The following ITIH5 variants were observed in gnomAD, a reference collection of about 807,000 sequenced individuals.
The protein encoded by ITIH5 is inter-alpha-trypsin inhibitor heavy chain H5.
ITIH5 carries 65 observed loss-of-function variants against 77.5 expected under a neutral mutation model. That is an observed-to-expected ratio of 0.84 (90% confidence interval 0.69 to 1.03). ITIH5 has a LOEUF of 1.03. ITIH5 is among the 50% of genes least tolerant of loss of function. ITIH5 has a pLI of 0.00. For missense variants in ITIH5, 1,208 were observed against 1,213.1 expected (o/e 1.00, Z 0.06); for synonymous variants, 525 against 494.3 (o/e 1.06, Z -0.82).
Position 7,573,673 on chromosome 10 carries a change from C to CAAA in ITIH5, c.1979-481_1979-479dup, listed in dbSNP as rs35214432. Among the ~76,000 whole-genome samples the CAAA allele has an allele frequency of 8.9e-3, 973 of 109,526 alleles. 28 individuals are homozygous for CAAA. The highest frequency in any genetic ancestry group is 0.034 in the African/African-American group (908 of 26,770). The allele number at this position is 109,526 out of a possible 152,430, so 71.9% of individuals were successfully genotyped here. A position where few individuals can be genotyped will look rare whatever the true frequency, so the allele number is the denominator to read the frequency against. Reference sequence around the variant, plus strand: ...CCTGGTTAACAGAGTGAGACTGTCTCAAAAAAAAAAAAAAAAAGGAAAAAA... The same window carrying CAAA: ...CCTGGTTAACAGAGTGAGACTGTCTCAAAAAAAAAAAAAAAAAAAAGGAAAAAA... On this transcript the variant is annotated intron_variant, in intron 10 of 13. Transcript: ENST00000397146.
Position 7,569,659 on chromosome 10 carries a change from A to G in ITIH5, c.2149+9T>C. On this transcript the variant is annotated intron_variant, in intron 12 of 13. Coordinates refer to ENST00000397146, the MANE Select transcript of ITIH5 (RefSeq NM_030569.7). ...TTGCCCAGATGCTGCAGCGGAAGGT[A>G]GAACTTACCAGAGTCCCTGTGATCA... 2 of 1,578,122 alleles carry G rather than the reference A, an allele frequency of 1.3e-6. No homozygotes were observed. Among genetic ancestry groups the G allele is most frequent in the Non-Finnish European group, 1.7e-6 (2 of 1,157,588 alleles).
chr10:7,563,271 C>T lies in ITIH5; in HGVS notation c.2641G>A (p.Val881Met), dbSNP rs982512423. Reference sequence around the variant, plus strand: ...ACCACTGGGACTTGGTGGCCTTTCACTGTTAGGACGGCCTCAGGCCCCTCT... The same window carrying T: ...ACCACTGGGACTTGGTGGCCTTTCATTGTTAGGACGGCCTCAGGCCCCTCT... ...VGEGPEAVLT[V>M]KGHQVPVVWK... is the part of the protein sequence containing the mutation. Residue 881 changes from valine to methionine, a missense_variant, in exon 14 of 14, where the codon GTG becomes ATG. Physicochemically the swap from Val to Met is conservative, Grantham distance 21 (BLOSUM62 1). Transcript: ENST00000397146. 1.9e-6 allele frequency: 3 copies of T among 1,614,102 alleles called. No individual in the cohort carries two copies. Among genetic ancestry groups the T allele is most frequent in the African/African-American group, 1.3e-5 (1 of 74,940 alleles).
chr10:7,572,771 CTT>C (rs528912890), intron 11 of ITIH5: 11 of 88,326 alleles, frequency 1.2e-4, no homozygotes, highest in South Asian at 6.7e-4. Context: ...TGGTTTTACA[CTT>C]TTTTTTTTTT....
chr10:7,610,982 C>T (rs1193325281), intron 7 of ITIH5, among the ~76,000 whole-genome samples: 1 of 152,260 alleles, frequency 6.6e-6, no homozygotes, highest in African/African-American at 2.4e-5. Context: ...GCTCTTGCAT[C>T]ATGCGAGGAA....
intron 5 of ITIH5, among the ~76,000 whole-genome samples, chr10:7,623,007 A>C (rs1767524730): frequency 6.6e-6 from 1 of 152,254 alleles, no homozygotes; most frequent in Non-Finnish European, 1.5e-5. Context: ...GTCCTGATAC[A>C]TGGAGGTTGG....
At position 7,617,225 on chromosome 10, in the gene ITIH5, A is replaced by G. The variant is rs1235615431; in HGVS notation, c.710T>C (p.Ile237Thr). 6.2e-7 allele frequency: 1 copy of G among 1,600,588 alleles called. No individual in the cohort carries two copies. The highest frequency in any genetic ancestry group is 1.7e-5 in the Admixed American group (1 of 58,008). Residue 237 changes from isoleucine (I) to threonine (T), a missense_variant, in exon 6 of 14, where the codon ATA becomes ACA. Transcript: ENST00000397146. ...VINQNETFAN[I>T]IFKPTVVQQA... ...TTGTACTACAGTAGGTTTAAAAATT[A>G]TGTTGGCAAATGTTTCATTTTGGTT...
At chr10:7,576,317 C>T (rs941320466) in intron 10 of ITIH5, 136 bp downstream of exon 10, 18 of 818,998 alleles carry the variant, frequency 2.2e-5, no homozygotes, top group Non-Finnish European at 3.2e-5. Context: ...AGCTACTATA[C>T]CCGGTCTGGG....
chr10:7,604,568 T>C (rs1164064862), intron 7 of ITIH5, among the ~76,000 whole-genome samples: 1 of 152,246 alleles, frequency 6.6e-6, no homozygotes, highest in Non-Finnish European at 1.5e-5. Flanking sequence ...AATGTTTGTA[T>C]CAGGAAGGTT....
intron 7 of ITIH5, among the ~76,000 whole-genome samples, chr10:7,605,855 C>T (rs1366862148): frequency 6.6e-6 from 1 of 152,182 alleles, no homozygotes; most frequent in African/African-American, 2.4e-5. Flanking sequence ...TAGCCCTTTA[C>T]AGAAAAAGTC....
intron 10 of ITIH5, among the ~76,000 whole-genome samples, chr10:7,574,411 G>A (rs1217337942): frequency 2.0e-5 from 3 of 152,090 alleles, no homozygotes; most frequent in Non-Finnish European, 4.4e-5. Context: ...AGGAGTGGCA[G>A]CTGCCACCAA....
In ITIH5 at chr10:7,580,364, C is replaced by T. The variant is rs571858337; in HGVS notation, c.1109-300G>A. Among the ~76,000 whole-genome samples, 6 of 152,310 alleles carry T rather than the reference C, an allele frequency of 3.9e-5. No homozygotes were observed. The South Asian group carries it at 1.0e-3, about 26-fold the overall frequency. On this transcript the variant is annotated intron_variant, in intron 8 of 13. Coordinates refer to ENST00000397146, the MANE Select transcript of ITIH5 (RefSeq NM_030569.7). ...CAAACTCCTGACCTCAAGTAATCCG[C>T]CCACCTTGGCCTCCCAAAGTGCTGG...
intron 9 of ITIH5, among the ~76,000 whole-genome samples, 190 bp downstream of exon 9, chr10:7,579,565 G>C (rs946875348): frequency 1.7e-4 from 26 of 152,054 alleles, no homozygotes; most frequent in East Asian, 5.8e-4. Context: ...TCATAAAGGA[G>C]GATCAGAATT....
chr10:7,598,122 G>A (rs1475791564), intron 7 of ITIH5, among the ~76,000 whole-genome samples: 5 of 152,202 alleles, frequency 3.3e-5, no homozygotes, highest in African/African-American at 1.2e-4. Context: ...TTATGAAAAT[G>A]CCTAAAGGAA....
chr10:7,643,398 A>T (rs1833919777), intron 2 of ITIH5, among the ~76,000 whole-genome samples: 1 of 152,232 alleles, frequency 6.6e-6, no homozygotes. Flanking sequence ...GATGGAGGGA[A>T]GTCAAGCTTA....
chr10:7,597,975 A>T (rs879384010), intron 7 of ITIH5, among the ~76,000 whole-genome samples: 7 of 152,096 alleles, frequency 4.6e-5, no homozygotes, highest in Non-Finnish European at 2.9e-5. Flanking sequence ...GTTCGCCATA[A>T]TGTATTTGGG....
chr10:7,568,365 C>T (rs12265676), intron 12 of ITIH5, among the ~76,000 whole-genome samples: 1,735 of 152,288 alleles, frequency 0.011, 40 homozygotes, highest in African/African-American at 0.04. Context: ...AGAGCCTATG[C>T]TCTTCCAGCC....
At chr10:7,569,486 A>T in intron 12 of ITIH5, 182 bp downstream of exon 12, 3 of 448,220 alleles carry the variant, frequency 6.7e-6, no homozygotes, top group Non-Finnish European at 1.2e-5. Flanking sequence ...GGCACTTGTC[A>T]TAAAGCAGGG....
chr10:7,594,914 T>C (rs1832864489), intron 7 of ITIH5, among the ~76,000 whole-genome samples: 1 of 152,178 alleles, frequency 6.6e-6, no homozygotes, highest in African/African-American at 2.4e-5. Context: ...ACAGGGTTCT[T>C]ACAGAGGTCA....
intron 5 of ITIH5, 89 bp downstream of exon 5, chr10:7,637,139 G>T: frequency 1.4e-6 from 2 of 1,456,300 alleles, no homozygotes; most frequent in Non-Finnish European, 1.9e-6. Flanking sequence ...TGAAGGGAAG[G>T]GTGCCATCTC....
Sources: allele counts gnomAD v4.1 joint callset (sites outside exome capture counted in the v4.1 genomes callset), GRCh38; gene constraint gnomAD v4.1.1; transcripts MANE v1.5; gene names NCBI Gene and HGNC (gene_info 2026-07-23, HGNC 2026-07-21).